The following CCDC122 variants were observed in gnomAD, a reference collection of about 807,000 sequenced individuals.
The protein encoded by CCDC122 is coiled-coil domain-containing protein 122.
In CCDC122, 38 loss-of-function variants were observed where a neutral mutation model predicts 37.0. The observed-to-expected ratio is 1.03, with a 90% confidence interval of 0.79 to 1.35. CCDC122 has a LOEUF of 1.35. Ranked by LOEUF, CCDC122 falls within the 40% of genes most tolerant of loss-of-function variation. CCDC122 has a pLI of 0.00. For missense variants in CCDC122, 305 were observed against 310.0 expected, an observed-to-expected ratio of 0.98 and a Z score of 0.12; for synonymous variants, 83 against 95.6, an observed-to-expected ratio of 0.87 and a Z score of 0.77.
intron 3 of CCDC122, among the ~76,000 whole-genome samples, chr13:43,824,668 T>C (rs1953022873): frequency 6.6e-6 from 1 of 152,202 alleles, no homozygotes; most frequent in African/African-American, 2.4e-5. Flanking sequence ...AAAGGTCTAA[T>C]ATTCAGAATC....
chr13:43,857,449 AGTGTGTGTGTGTGT>A (rs60383575), intron 6 of CCDC122, among the ~76,000 whole-genome samples: 7 of 149,600 alleles, frequency 4.7e-5, no homozygotes, highest in African/African-American at 7.4e-5. Flanking sequence ...AATACTTAGA[AGTGTGTGTGTGTGT>A]GTGTGTGTGT....
intron 6 of CCDC122, among the ~76,000 whole-genome samples, chr13:43,846,097 G>A (rs556258646): frequency 3.0e-4 from 45 of 150,738 alleles, no homozygotes; most frequent in African/African-American, 1.0e-3. Context: ...TTTTTGAGAC[G>A]GAGTTTCACT....
At chr13:43,824,306 G>C (rs1353109) in intron 3 of CCDC122, among the ~76,000 whole-genome samples, 135,474 of 152,150 alleles carry the variant, frequency 0.89, 60,868 homozygotes, top group South Asian at 0.98. Flanking sequence ...AAGAGTATAT[G>C]CAAAGGGATG....
chr13:43,843,658 G>T (rs982902749), intron 6 of CCDC122, among the ~76,000 whole-genome samples: 3 of 151,816 alleles, frequency 2.0e-5, no homozygotes, highest in Non-Finnish European at 4.4e-5. Context: ...TTAAATATAT[G>T]ATTAGAATTC....
chr13:43,853,877 C>T (rs756415616), intron 6 of CCDC122, among the ~76,000 whole-genome samples: 1 of 152,122 alleles, frequency 6.6e-6, no homozygotes, highest in Non-Finnish European at 1.5e-5. Flanking sequence ...AATTGAATAA[C>T]CTGCTCCTGA....
chr13:43,855,963 C>A (rs1227196301), intron 6 of CCDC122: 4 of 152,152 alleles, frequency 2.6e-5, no homozygotes, highest in Non-Finnish European at 4.4e-5. Flanking sequence ...AACCTAAATG[C>A]CCATCAGTGG....
intron 3 of CCDC122, among the ~76,000 whole-genome samples, chr13:43,830,417 C>G (rs1422129131): frequency 1.3e-5 from 2 of 152,010 alleles, no homozygotes; most frequent in Admixed American, 6.6e-5. Context: ...GATTCTTGAG[C>G]GAGTGATTTA....
At chr13:43,873,466 C>G (rs557162486) in intron 2 of CCDC122, among the ~76,000 whole-genome samples, 12 of 152,276 alleles carry the variant, frequency 7.9e-5, no homozygotes, top group African/African-American at 2.9e-4. Flanking sequence ...GCCAAAAACC[C>G]TGAGTTCATT....
chr13:43,832,173 A>G (rs991885422), downstream of CCDC122, among the ~76,000 whole-genome samples: 2 of 151,710 alleles, frequency 1.3e-5, no homozygotes, highest in Admixed American at 1.3e-4. Context: ...TACATTATAA[A>G]TTAAAATAAC....
intron 4 of CCDC122, among the ~76,000 whole-genome samples, chr13:43,863,389 G>A (rs752584303): frequency 2.4e-4 from 36 of 152,070 alleles, no homozygotes; most frequent in Non-Finnish European, 3.8e-4. Context: ...TCCGTTGTAT[G>A]GATATACCAT....
chr13:43,871,255 T>C (rs151173993), intron 2 of CCDC122, among the ~76,000 whole-genome samples: 294 of 152,250 alleles, frequency 1.9e-3, no homozygotes, highest in Non-Finnish European at 3.6e-3. Context: ...GAAACTATTC[T>C]GGTAAAGTGC....
chr13:43,837,461 T>C (rs879225296), intron 6 of CCDC122, 32 bp from the exon 7 acceptor site: 1 of 1,585,452 alleles, frequency 6.3e-7, no homozygotes. Flanking sequence ...TCAACAGGGC[T>C]TGTGAAGTAT....
At chr13:43,833,661 T>C (rs7329793), downstream of CCDC122, among the ~76,000 whole-genome samples, 134,181 of 152,152 alleles carry the variant, frequency 0.88, 59,886 homozygotes, top group South Asian at 0.98. Context: ...ATTGCAGGTA[T>C]AGCACAGACT....
intron 6 of CCDC122, among the ~76,000 whole-genome samples, chr13:43,844,823 C>CT (rs963074345): frequency 4.6e-5 from 7 of 151,944 alleles, no homozygotes; most frequent in Non-Finnish European, 7.4e-5. Flanking sequence ...TATCTTTTTC[C>CT]TTTTTTTAAC....
chr13:43,871,480 T>A (rs774147921), intron 2 of CCDC122, among the ~76,000 whole-genome samples: 3 of 152,074 alleles, frequency 2.0e-5, no homozygotes, highest in Non-Finnish European at 4.4e-5. Context: ...ATAATTCCCA[T>A]TAAATTCTAC....
At chr13:43,847,888 C>T (rs1953597103) in intron 6 of CCDC122, among the ~76,000 whole-genome samples, 1 of 152,186 alleles carries the variant, frequency 6.6e-6, no homozygotes, top group Admixed American at 6.5e-5. Context: ...AATCCTTCCA[C>T]CTCAGCCTCC....
intron 2 of CCDC122, among the ~76,000 whole-genome samples, chr13:43,872,499 A>T (rs1954483594): frequency 6.6e-6 from 1 of 152,096 alleles, no homozygotes; most frequent in South Asian, 2.1e-4. Context: ...CCTGTCTTCA[A>T]ACCTCTCACA....
At chr13:43,829,277 T>C (rs1953066574) in intron 3 of CCDC122, among the ~76,000 whole-genome samples, 1 of 152,172 alleles carries the variant, frequency 6.6e-6, no homozygotes, top group African/African-American at 2.4e-5. Flanking sequence ...TGATAATGAA[T>C]GGCTAAAAGG....
chr13:43,820,158 C>T (rs1182545778), downstream of CCDC122, among the ~76,000 whole-genome samples: 5 of 152,042 alleles, frequency 3.3e-5, no homozygotes, highest in African/African-American at 1.2e-4. Context: ...AAAAATCAGT[C>T]CAAACTATTG....
Sources: allele counts gnomAD v4.1 joint callset (sites outside exome capture counted in the v4.1 genomes callset), GRCh38; gene constraint gnomAD v4.1.1; transcripts MANE v1.5; gene names NCBI Gene and HGNC (gene_info 2026-07-23, HGNC 2026-07-21).